RIMS2: variants seen among roughly 807,000 people sequenced by gnomAD.
RIMS2 encodes the protein regulating synaptic membrane exocytosis 2.
In RIMS2, 59 loss-of-function variants were observed where a neutral mutation model predicts 174.4. That is an observed-to-expected ratio of 0.34 (90% confidence interval 0.27 to 0.42). The LOEUF (loss-of-function observed/expected upper bound fraction) is 0.42, where lower values mean the gene tolerates loss of function less well. Ranked by LOEUF, RIMS2 falls within the 10% of genes least tolerant of loss-of-function variation. The probability of loss-of-function intolerance (pLI) is 1.00; values close to 1 mark genes in which losing one functional copy is unlikely to be tolerated. For missense variants in RIMS2, 1,620 were observed against 1,666.3 expected (o/e 0.97, Z 0.48); for synonymous variants, 606 against 572.5 (o/e 1.06, Z -0.84).
At chr8:103,601,807 C>G (rs1175479483) in intron 1 of RIMS2, among the ~76,000 whole-genome samples, 1 of 151,474 alleles carries the variant, frequency 6.6e-6, no homozygotes, top group Non-Finnish European at 1.5e-5. Context: ...TTTTATGTAT[C>G]TGTTCTGTTT....
intron 1 of RIMS2, chr8:103,568,679 T>C: frequency 1.5e-6 from 1 of 687,444 alleles, no homozygotes; most frequent in South Asian, 1.4e-5. Context: ...ATAAACAATA[T>C]GTAGCAGCTT....
At chr8:104,106,228 C>T (rs1021163555) in intron 19 of RIMS2, among the ~76,000 whole-genome samples, 8 of 151,896 alleles carry the variant, frequency 5.3e-5, no homozygotes, top group Admixed American at 3.3e-4. Context: ...GCCCCCCAGC[C>T]TAAAATTCAT....
At chr8:104,006,231 G>A (rs1022935640) in intron 17 of RIMS2, among the ~76,000 whole-genome samples, 6 of 151,788 alleles carry the variant, frequency 4.0e-5, no homozygotes, top group East Asian at 1.9e-4. Context: ...TTATTTCTCC[G>A]CAAATTACTG....
intron 3 of RIMS2, among the ~76,000 whole-genome samples, chr8:103,838,699 C>T (rs2098919670): frequency 6.6e-6 from 1 of 152,042 alleles, no homozygotes. Flanking sequence ...GATTTTATTC[C>T]ATTCTACTGT....
At chr8:103,542,868 T>C (rs1419263111) in intron 1 of RIMS2, among the ~76,000 whole-genome samples, 1 of 152,156 alleles carries the variant, frequency 6.6e-6, no homozygotes, top group Non-Finnish European at 1.5e-5. Flanking sequence ...AGAAAGAATG[T>C]ACCTCAACAC....
chr8:103,586,067 C>T (rs2093904185), intron 1 of RIMS2, among the ~76,000 whole-genome samples: 1 of 152,008 alleles, frequency 6.6e-6, no homozygotes, highest in Non-Finnish European at 1.5e-5. Flanking sequence ...AATCTATATG[C>T]ATCAAAAACT....
At chr8:104,217,277 T>TG (rs1251078631) in intron 19 of RIMS2, among the ~76,000 whole-genome samples, 2 of 131,780 alleles carry the variant, frequency 1.5e-5, no homozygotes, top group Non-Finnish European at 3.3e-5. Flanking sequence ...TTTGTTTTTT[T>TG]GTTTTTTTTG....
intron 19 of RIMS2, among the ~76,000 whole-genome samples, chr8:104,015,937 G>A (rs902064349): frequency 1.3e-5 from 2 of 151,946 alleles, no homozygotes; most frequent in South Asian, 4.1e-4. Flanking sequence ...TGTGGCTTGC[G>A]TTTCCAACAT....
intron 1 of RIMS2, among the ~76,000 whole-genome samples, chr8:103,692,278 G>T (rs911017217): frequency 6.6e-6 from 1 of 152,214 alleles, no homozygotes; most frequent in African/African-American, 2.4e-5. Context: ...CCAGGCTTTT[G>T]TCCTTTTCTT....
intron 3 of RIMS2, among the ~76,000 whole-genome samples, chr8:103,850,392 C>CCATCAT (rs1329039733): frequency 6.6e-6 from 1 of 151,900 alleles, no homozygotes; most frequent in East Asian, 1.9e-4. Flanking sequence ...AATTCTTACT[C>CCATCAT]CATCATGATC....
chr8:104,127,561 C>G (rs2098441842), intron 19 of RIMS2, among the ~76,000 whole-genome samples: 1 of 152,144 alleles, frequency 6.6e-6, no homozygotes, highest in Admixed American at 6.6e-5. Flanking sequence ...CACTTACTGT[C>G]TTGTGTTAAC....
chr8:104,062,549 G>T (rs1358533480), intron 19 of RIMS2, among the ~76,000 whole-genome samples: 3 of 152,080 alleles, frequency 2.0e-5, no homozygotes, highest in African/African-American at 7.2e-5. Context: ...TTAGTTCTCT[G>T]TTGAAAGAAA....
rs1023752608 is a variant in RIMS2, at chr8:103,994,666, T to C, written c.3044+5245T>C. Among the ~76,000 whole-genome samples the C allele has an allele frequency of 2.0e-5, 3 of 152,154 alleles. No individual in the cohort carries two copies. In the East Asian group the frequency reaches 5.8e-4, roughly 29 times the overall value. ...ATGGCTGTGGACCTTAGGTAGATTT[T>C]AGAGGGCTTACTAAAACACAATGGT... is the stretch of plus-strand genomic sequence containing the variant. On this transcript the variant is annotated intron_variant, in intron 17 of 23. Transcript: ENST00000504942.
At chr8:103,758,761 A>G (rs965577035) in intron 2 of RIMS2, among the ~76,000 whole-genome samples, 1 of 152,244 alleles carries the variant, frequency 6.6e-6, no homozygotes, top group Admixed American at 6.5e-5. Context: ...TTTTAGCAGA[A>G]GAAAGGTTAA....
intron 19 of RIMS2, among the ~76,000 whole-genome samples, chr8:104,142,568 T>C (rs1249554547): frequency 6.6e-6 from 1 of 152,202 alleles, no homozygotes; most frequent in Admixed American, 6.5e-5. Flanking sequence ...TAACAAGCTC[T>C]TGGGAAAGGA....
intron 15 of RIMS2, among the ~76,000 whole-genome samples, chr8:103,967,240 A>G (rs1349758314): frequency 7.5e-6 from 1 of 133,754 alleles, no homozygotes; most frequent in Non-Finnish European, 1.5e-5. Context: ...CTGGAGTGCA[A>G]CAGTGCGATC....
In RIMS2 at chr8:103,529,428, T is replaced by A. The variant is rs187451073; in HGVS notation, c.176+28366T>A. On this transcript the variant is annotated intron_variant, in intron 1 of 23. Coordinates refer to ENST00000504942, the Ensembl canonical transcript of RIMS2. Reference sequence around the variant, plus strand: ...CGTGGGTGTGGAACCCTCCGAGCCATGCGCGGGATATAATCTCCTGGTGTG... The same window carrying A: ...CGTGGGTGTGGAACCCTCCGAGCCAAGCGCGGGATATAATCTCCTGGTGTG... Among the ~76,000 whole-genome samples, 641 of 152,312 alleles carry A rather than the reference T, an allele frequency of 4.2e-3. 4 individuals are homozygous for A. Among genetic ancestry groups the A allele is most frequent in the African/African-American group, 0.015 (609 of 41,556 alleles).
At chr8:104,198,698 CTT>C (rs1249154185) in intron 19 of RIMS2, among the ~76,000 whole-genome samples, 1 of 152,206 alleles carries the variant, frequency 6.6e-6, no homozygotes. Flanking sequence ...TACCTTCTGG[CTT>C]TTGTCAGTTC....
At chr8:104,132,146 A>G (rs2133027989) in intron 19 of RIMS2, among the ~76,000 whole-genome samples, 1 of 152,270 alleles carries the variant, frequency 6.6e-6, no homozygotes, top group South Asian at 2.1e-4. Flanking sequence ...TGTTAACATA[A>G]TTAGAACTAA....
Sources: gnomAD v4.1 joint callset for allele counts (sites outside exome capture counted in the v4.1 genomes callset) on GRCh38, gnomAD v4.1.1 for gene constraint, MANE v1.5 for transcripts, NCBI Gene and HGNC (gene_info 2026-07-23, HGNC 2026-07-21) for gene names.